The following COL8A1 variants were observed in gnomAD, a reference collection of about 807,000 sequenced individuals.
COL8A1 encodes the protein collagen type VIII alpha 1 chain, also known as collagen alpha-1(VIII) chain.
Under a neutral mutation model 42.7 loss-of-function variants are expected in COL8A1, and 21 were observed. That is an observed-to-expected ratio of 0.49 (90% CI 0.35 to 0.71). The LOEUF (loss-of-function observed/expected upper bound fraction) is 0.71, where lower values mean the gene tolerates loss of function less well. COL8A1 is among the 30% of genes least tolerant of loss of function. The pLI is 0.01. For missense variants in COL8A1, 788 were observed against 962.4 expected, an observed-to-expected ratio of 0.82 and a Z score of 2.40; for synonymous variants, 367 against 369.1, an observed-to-expected ratio of 0.99 and a Z score of 0.06.
At chr3:99,643,553 AC>A (rs1286380585) in intron 1 of COL8A1, among the ~76,000 whole-genome samples, 1 of 152,246 alleles carries the variant, frequency 6.6e-6, no homozygotes, top group Non-Finnish European at 1.5e-5. Context: ...TAATGGATTT[AC>A]AAAGTAAATT....
intron 2 of COL8A1, among the ~76,000 whole-genome samples, chr3:99,747,384 G>A (rs1273587813): frequency 6.6e-6 from 1 of 152,016 alleles, no homozygotes; most frequent in African/African-American, 2.4e-5. Flanking sequence ...CCCATTTTTT[G>A]TTCAGCTATT....
chr3:99,731,079 C>T (rs2107383953), intron 1 of COL8A1, among the ~76,000 whole-genome samples: 1 of 152,152 alleles, frequency 6.6e-6, no homozygotes, highest in Middle Eastern at 3.4e-3. Flanking sequence ...AAAGATGTTA[C>T]AGTACACAAA....
At position 99,794,260 on chromosome 3, in the gene COL8A1, A is replaced by C; in HGVS notation, c.359A>C (p.Gln120Pro). The C allele has an allele frequency of 1.2e-6, 2 of 1,600,464 alleles. No homozygotes were observed. The highest frequency in any genetic ancestry group is 1.7e-6 in the Non-Finnish European group (2 of 1,174,136). The change falls in exon 4 of 4, where the codon CAA becomes CCA. Residue 120 changes from glutamine to proline, a missense_variant. Physicochemically the swap from Gln to Pro is moderately conservative, Grantham distance 76 (BLOSUM62 -1). This residue lies in a region of COL8A1 where 421 missense variants were observed against 553.1 expected (regional missense o/e 0.76). Transcript: ENST00000652472. This position sits in a 1 kb window ranked among gnomAD's most constrained non-coding sequence, Gnocchi z 4.3. ...EIPLASLRGE[Q>P]GPRGEPGPRG... ...CCATTAGCCAGTTTACGAGGGGAAC[A>C]AGGTCCCCGTGGAGAGCCTGGCCCA...
chr3:99,752,008 A>C (rs1210164515), intron 2 of COL8A1, among the ~76,000 whole-genome samples: 1 of 152,190 alleles, frequency 6.6e-6, no homozygotes, highest in Admixed American at 6.6e-5. Context: ...AATTATTGCC[A>C]AAATCCTCCT....
intron 1 of COL8A1, among the ~76,000 whole-genome samples, chr3:99,715,316 T>C (rs1450777884): frequency 1.3e-5 from 2 of 152,052 alleles, no homozygotes; most frequent in Non-Finnish European, 2.9e-5. Context: ...GCTTGGACTA[T>C]TAGTGAAGAC....
intron 3 of COL8A1, among the ~76,000 whole-genome samples, chr3:99,791,726 T>C (rs1382093937): frequency 6.6e-6 from 1 of 152,176 alleles, no homozygotes; most frequent in Non-Finnish European, 1.5e-5. Flanking sequence ...CAATTACCTT[T>C]GAGGAAGTGG....
At chr3:99,668,515 C>A (rs956923903) in intron 1 of COL8A1, among the ~76,000 whole-genome samples, 1 of 152,042 alleles carries the variant, frequency 6.6e-6, no homozygotes, top group African/African-American at 2.4e-5. Flanking sequence ...AAGATCAAGT[C>A]ATCTTCTAAA....
chr3:99,737,354 A>T (rs1940756577), intron 1 of COL8A1, among the ~76,000 whole-genome samples: 1 of 152,044 alleles, frequency 6.6e-6, no homozygotes, highest in South Asian at 2.1e-4. Flanking sequence ...ATGATTTTGC[A>T]GCGGCTGGTA....
At chr3:99,697,053 C>T (rs1285656690) in intron 1 of COL8A1, among the ~76,000 whole-genome samples, 1 of 129,308 alleles carries the variant, frequency 7.7e-6, no homozygotes, top group Non-Finnish European at 1.5e-5. Flanking sequence ...GTGGCGGGAT[C>T]TCGGCTCACT....
At chr3:99,766,857 G>A (rs1164186333) in intron 2 of COL8A1, among the ~76,000 whole-genome samples, 1 of 151,984 alleles carries the variant, frequency 6.6e-6, no homozygotes, top group Admixed American at 6.6e-5. Flanking sequence ...TCTGAGGCAG[G>A]AGAATCGCTT....
chr3:99,727,035 C>G (rs988496762), intron 1 of COL8A1, among the ~76,000 whole-genome samples: 12 of 152,100 alleles, frequency 7.9e-5, no homozygotes, highest in Non-Finnish European at 1.5e-4. Flanking sequence ...TTGATTCTTC[C>G]TACCCATGAG....
At chr3:99,696,716 T>C (rs1221952570) in intron 1 of COL8A1, among the ~76,000 whole-genome samples, 1 of 152,116 alleles carries the variant, frequency 6.6e-6, no homozygotes, top group Non-Finnish European at 1.5e-5. Context: ...TAATGCAGCA[T>C]CATAACAGAA....
chr3:99,710,033 C>A (rs1163227800), intron 1 of COL8A1, among the ~76,000 whole-genome samples: 2 of 152,150 alleles, frequency 1.3e-5, no homozygotes, highest in African/African-American at 4.8e-5. Flanking sequence ...ATTTTTTAAA[C>A]CATACACTCA....
chr3:99,686,546 A>G (rs1396164847), intron 1 of COL8A1, among the ~76,000 whole-genome samples: 1 of 152,226 alleles, frequency 6.6e-6, no homozygotes, highest in East Asian at 1.9e-4. Context: ...CTCAAGGCCC[A>G]GAGGCAAAGG....
intron 2 of COL8A1, among the ~76,000 whole-genome samples, chr3:99,776,905 T>C (rs1941703828): frequency 2.6e-5 from 4 of 152,324 alleles, no homozygotes; most frequent in South Asian, 4.1e-4. Context: ...TGTAAACTCA[T>C]GGTGCTCGTG....
chr3:99,783,399 G>A (rs1480684960), intron 2 of COL8A1, among the ~76,000 whole-genome samples: 2 of 152,206 alleles, frequency 1.3e-5, no homozygotes, highest in East Asian at 3.9e-4. Flanking sequence ...TGTTAGTGAA[G>A]CATATAATTT....
intron 2 of COL8A1, among the ~76,000 whole-genome samples, chr3:99,761,714 ACTTTAGATATCTAGATATCTCTGG>A (rs1236864588): frequency 6.6e-6 from 1 of 152,122 alleles, no homozygotes; most frequent in African/African-American, 2.4e-5. Context: ...ATACTCTCTG[ACTTTAGATATCTAGATATCTCTGG>A]CTTTAGATAT....
chr3:99,753,207 T>C (rs1238737367), intron 2 of COL8A1, among the ~76,000 whole-genome samples: 1 of 152,178 alleles, frequency 6.6e-6, no homozygotes, highest in Non-Finnish European at 1.5e-5. Flanking sequence ...TTTTAACAAA[T>C]TGCCAGATGA....
chr3:99,686,785 C>T (rs927309984), intron 1 of COL8A1, among the ~76,000 whole-genome samples: 1 of 152,192 alleles, frequency 6.6e-6, no homozygotes, highest in Admixed American at 6.5e-5. Context: ...AGGTGATCCT[C>T]CCATCTCAGC....
Sources: gnomAD v4.1 joint callset for allele counts (sites outside exome capture counted in the v4.1 genomes callset) on GRCh38, gnomAD v4.1.1 for gene constraint, gnomAD v4.1.1 regional missense constraint, Gnocchi (gnomAD v3.1) non-coding constraint, MANE v1.5 for transcripts, NCBI Gene and HGNC (gene_info 2026-07-23, HGNC 2026-07-21) for gene names.